The following DONSON variants were observed in gnomAD, a reference collection of about 807,000 sequenced individuals.
DONSON encodes the protein DNA replication fork stabilization factor DONSON.
Under a neutral mutation model 62.1 loss-of-function variants are expected in DONSON, and 43 were observed. That is an observed-to-expected ratio of 0.69 (90% CI 0.54 to 0.89). The LOEUF (loss-of-function observed/expected upper bound fraction) is 0.89, where lower values mean the gene tolerates loss of function less well. DONSON is among the 40% of genes least tolerant of loss of function. The pLI, the probability that DONSON is intolerant of heterozygous loss-of-function variation, is 0.00. For missense variants in DONSON, 696 were observed against 697.5 expected, an observed-to-expected ratio of 1.00 and a Z score of 0.03; for synonymous variants, 266 against 264.6, an observed-to-expected ratio of 1.01 and a Z score of -0.05.
intron 8 of DONSON, 68 bp downstream of exon 8, chr21:33,581,234 T>A (rs747500575): frequency 7.4e-5 from 105 of 1,422,874 alleles, no homozygotes; most frequent in Non-Finnish European, 9.2e-5. Flanking sequence ...GGTTTTTTTT[T>A]AAATCAAGAA....
chr21:33,580,491 AAAAAAAAAAAAAAGC>A (rs1352922235), intron 8 of DONSON, among the ~76,000 whole-genome samples: 1 of 131,452 alleles, frequency 7.6e-6, no homozygotes, highest in African/African-American at 2.9e-5. Flanking sequence ...AAAAAAAAAA[AAAAAAAAAAAAAAGC>A]AGGGCATGGC....
rs916378080 is a variant in DONSON at position 33,588,662 on chromosome 21, A to T, written c.-21T>A. 3 of 1,229,802 alleles carry T rather than the reference A, an allele frequency of 2.4e-6. No individual in the cohort carries two copies. The highest frequency in any genetic ancestry group is 3.0e-6 in the Non-Finnish European group (3 of 985,712). The allele number at this position is 1,229,802 out of a possible 1,614,324, so 76.2% of individuals were successfully genotyped here. A position where few individuals can be genotyped will look rare whatever the true frequency, so the allele number is the denominator to read the frequency against. On this transcript the variant is annotated 5_prime_UTR_variant, in exon 1 of 10. Coordinates refer to ENST00000303071, the MANE Select transcript of DONSON (RefSeq NM_017613.4). ...GCCATGACGCGCGGCGGCTGAGGGT[A>T]GCCGGCCGCCCTACAGAGACTTCCC... is the stretch of plus-strand genomic sequence containing the variant.
chr21:33,579,052 T>C (rs1180547918), intron 9 of DONSON, among the ~76,000 whole-genome samples: 2 of 147,110 alleles, frequency 1.4e-5, no homozygotes, highest in African/African-American at 2.5e-5. Flanking sequence ...GCAGGAGAAC[T>C]GTTTGAACCC....
At chr21:33,588,288 A>G in intron 1 of DONSON, 33 bp downstream of exon 1, 2 of 1,241,764 alleles carry the variant, frequency 1.6e-6, no homozygotes, top group South Asian at 3.7e-5. Context: ...GAAAGACAAG[A>G]GCCCCTTGGC....
chr21:33,583,664 G>A lies in DONSON; in HGVS notation c.788C>T (p.Ser263Phe), dbSNP rs778957930. The A allele has an allele frequency of 2.5e-6, 4 of 1,578,894 alleles. No individual in the cohort carries two copies. The highest frequency in any genetic ancestry group is 3.8e-5 in the Admixed American group (2 of 52,170). ...TLQHVLMSDW[S>F]VSFTSLYNLL... ...ATTATATAGAGAAGTAAAGCTCACA[G>A]ACCTATGAAGTAAAAAAATTTTCTT... The change falls in exon 5 of 10, where the codon TCT becomes TTT. Residue 263 changes from serine to phenylalanine, a missense_variant and splice_region_variant. Transcript: ENST00000303071.
At position 33,588,627 on chromosome 21, in the gene DONSON, C is replaced by G; in HGVS notation, c.15G>C (p.Val5=). ...TTCGGAAGCCCGGTGAGTAGCCGGG[C>G]ACCGAAAGGGCCATGACGCGCGGCG... MALS[V]PGYSPGFRKP... The change falls in exon 1 of 10, where the codon GTG becomes GTC. Residue 5 remains valine, a synonymous_variant. Transcript: ENST00000303071. The G allele has an allele frequency of 8.1e-7, 1 of 1,241,862 alleles. No individual in the cohort carries two copies. Among genetic ancestry groups the G allele is most frequent in the Non-Finnish European group, 1.0e-6 (1 of 992,222 alleles). 76.9% of individuals were successfully genotyped at this position (1,241,862 alleles called of 1,614,324 possible). A position where few individuals can be genotyped will look rare whatever the true frequency, so the allele number is the denominator to read the frequency against.
chr21:33,580,938 G>A (rs944817847), intron 8 of DONSON, among the ~76,000 whole-genome samples: 4 of 152,098 alleles, frequency 2.6e-5, no homozygotes, highest in Middle Eastern at 3.4e-3. Context: ...GCTAGGCTTG[G>A]TGGTGTGTGC....
In DONSON at chr21:33,588,502, G is replaced by A. The variant is rs2086608720; in HGVS notation, c.140C>T (p.Ala47Val). 3 of 1,254,776 alleles carry A rather than the reference G, an allele frequency of 2.4e-6. No individual in the cohort carries two copies. Among genetic ancestry groups the A allele is most frequent in the Non-Finnish European group, 3.0e-6 (3 of 1,000,314 alleles). The allele number at this position is 1,254,776 out of a possible 1,614,324, so 77.7% of individuals were successfully genotyped here. ...RELTEPAARRAALVAGLPLRP... is the reference protein window; with the variant it reads ...RELTEPAARRVALVAGLPLRP... The stretch of plus-strand genomic sequence containing the variant: ...AAGAGGCAGCCCCGCCACCAGGGCG[G>A]CTCGGCGGGCCGCCGGCTCCGTCAG... The change falls in exon 1 of 10, where the codon GCC becomes GTC. Residue 47 changes from alanine to valine, a missense_variant. Transcript: ENST00000303071.
At position 33,579,367 on chromosome 21, in the gene DONSON, C is replaced by G. The variant is rs145014824; in HGVS notation, c.1546G>C (p.Asp516His). The G allele has an allele frequency of 1.3e-3, 2,114 of 1,604,828 alleles. 3 individuals carry two copies. Among genetic ancestry groups the G allele is most frequent in the South Asian group, 2.4e-3 (216 of 90,328 alleles). Residue 516 changes from aspartate (D) to histidine (H), a missense_variant, in exon 9 of 10, where the codon GAC becomes CAC. Asp to His is a moderately conservative substitution (Grantham distance 81, BLOSUM62 -1). Coordinates refer to ENST00000303071, the MANE Select transcript of DONSON (RefSeq NM_017613.4). ...CTACTTACCATATCAAGTACTTTGT[C>G]CATTTGCAGGCAGATGTTAAATACA... ...TAVFNICLQM[D>H]KVLDMEVVHK...
Position 33,588,505 on chromosome 21 carries a change from C to G in DONSON, c.137G>C (p.Arg46Pro), listed in dbSNP as rs1167367249. 8.0e-7 allele frequency: 1 copy of G among 1,253,006 alleles called. No individual in the cohort carries two copies. The highest frequency in any genetic ancestry group is 1.0e-6 in the Non-Finnish European group (1 of 999,384). The allele number at this position is 1,253,006 out of a possible 1,614,324, so 77.6% of individuals were successfully genotyped here. A position where few individuals can be genotyped will look rare whatever the true frequency, so the allele number is the denominator to read the frequency against. ...PRELTEPAAR[R>P]AALVAGLPLR... ...AGGCAGCCCCGCCACCAGGGCGGCT[C>G]GGCGGGCCGCCGGCTCCGTCAGCTC... The change falls in exon 1 of 10, where the codon CGA (arginine) becomes CCA (proline). Residue 46 changes from arginine (R) to proline (P), a missense_variant. Coordinates refer to ENST00000303071, the MANE Select transcript of DONSON (RefSeq NM_017613.4).
rs1372782276 is a variant in DONSON, at chr21:33,588,454, C to T, written c.188G>A (p.Gly63Asp). Residue 63 changes from glycine to aspartate, a missense_variant, in exon 1 of 10, where the codon GGC (glycine) becomes GAC (aspartate). Coordinates refer to ENST00000303071, the MANE Select transcript of DONSON (RefSeq NM_017613.4). ...GCCGCCGCCGCTGCCACCGCCTCTG[C>T]CCCCCGCAGCAGGGAAAGGGCGAAG... is the stretch of plus-strand genomic sequence containing the variant. ...LPLRPFPAAG[G>D]RGGGSGGGPA... The T allele has an allele frequency of 2.3e-6, 3 of 1,304,910 alleles. No individual in the cohort carries two copies. Among genetic ancestry groups the T allele is most frequent in the Admixed American group, 3.6e-5 (1 of 27,602 alleles). 80.8% of individuals were successfully genotyped at this position (1,304,910 alleles called of 1,614,324 possible).
Position 33,581,407 on chromosome 21 carries a change from C to CA in DONSON, c.1244dup (p.Leu415PhefsTer3). The CA allele has an allele frequency of 6.2e-7, 1 of 1,614,028 alleles. No individual in the cohort carries two copies. On this transcript the variant is annotated frameshift_variant, in exon 8 of 10. Transcript: ENST00000303071. LOFTEE classifies it high-confidence loss of function. The stretch of plus-strand genomic sequence containing the variant: ...TAGCAACTAAACTCTTAGAGTTAAT[C>CA]AAAAAATTGAGCAATGTAAAGGTGT...
chr21:33,583,696 T>C, intron 4 of DONSON, 30 bp from the exon 5 acceptor site: 5 of 1,506,804 alleles, frequency 3.3e-6, no homozygotes, highest in East Asian at 2.3e-5. Flanking sequence ...TCTTAAGGTA[T>C]TATTAAACAT....
intron 3 of DONSON, among the ~76,000 whole-genome samples, chr21:33,585,292 C>T (rs1601316909): frequency 6.6e-6 from 1 of 152,078 alleles, no homozygotes; most frequent in African/African-American, 2.4e-5. Flanking sequence ...ACAATCAGAG[C>T]TCACTGCAGT....
rs1415207127 is a variant in DONSON, at chr21:33,581,913, T to C, written c.1151+38A>G. The stretch of plus-strand genomic sequence containing the variant: ...TAAACTTCTCACTAACGTCATTCAA[T>C]GAAAATTAATTCTAGTTAACAACAA... On this transcript the variant is annotated intron_variant, in intron 7 of 9. Transcript: ENST00000303071. 7 of 1,574,580 alleles carry C rather than the reference T, an allele frequency of 4.4e-6. No individual in the cohort carries two copies. The South Asian group carries it at 7.8e-5, about 18-fold the overall frequency.
chr21:33,577,719 A>G lies in DONSON; in HGVS notation c.*588T>C, dbSNP rs992106298. The G allele has an allele frequency of 6.7e-6, 1 of 149,108 alleles. No individual in the cohort carries two copies. The highest frequency in any genetic ancestry group is 1.5e-5 in the Non-Finnish European group (1 of 68,152). The allele number at this position is 149,108 out of a possible 1,614,324, so 9.2% of individuals were successfully genotyped here. On this transcript the variant is annotated 3_prime_UTR_variant, in exon 10 of 10. Coordinates refer to ENST00000303071, the MANE Select transcript of DONSON (RefSeq NM_017613.4). ...CACACACACCCCTATAAGCACATTA[A>G]ATACTACTTTGCCGTGACAGCTCAG...
At chr21:33,587,993 C>CT (rs554469968) in intron 1 of DONSON, among the ~76,000 whole-genome samples, 60 of 152,284 alleles carry the variant, frequency 3.9e-4, no homozygotes, top group African/African-American at 1.4e-3. Flanking sequence ...AAGATGGGGG[C>CT]TCTCAGGGTT....
At chr21:33,583,706 T>C in intron 4 of DONSON, 40 bp from the exon 5 acceptor site, 8 of 1,438,188 alleles carry the variant, frequency 5.6e-6, no homozygotes, top group Non-Finnish European at 7.6e-6. Flanking sequence ...TTATTAAACA[T>C]TTAATGCAAT....
rs1286346460 is a variant in DONSON, at chr21:33,579,504, A to G, written c.1409T>C (p.Leu470Ser). The change falls in exon 9 of 10, where the codon TTG (leucine) becomes TCG (serine). Residue 470 changes from leucine (L) to serine (S), a missense_variant. Physicochemically the swap from Leu to Ser is moderately radical, Grantham distance 145. Transcript: ENST00000303071. ...AGGCATGATAGGACCTGTAATCTCC[A>G]AACTAAATTGGTCTCTGTATCCAGA... ...ALSGYRDQFS[L>S]EITGPIMPHS... 2 of 1,614,130 alleles carry G rather than the reference A, an allele frequency of 1.2e-6. No homozygotes were observed. The highest frequency in any genetic ancestry group is 2.7e-5 in the African/African-American group (2 of 74,954).
Sources: gnomAD v4.1 joint callset for allele counts (sites outside exome capture counted in the v4.1 genomes callset) on GRCh38, gnomAD v4.1.1 for gene constraint, MANE v1.5 for transcripts, NCBI Gene and HGNC (gene_info 2026-07-23, HGNC 2026-07-21) for gene names.